Variants in KLRG2 observed in about 807,000 individuals in gnomAD.
KLRG2 encodes the protein killer cell lectin like receptor G2.
KLRG2 carries 39 observed loss-of-function variants against 35.4 expected under a neutral mutation model. The ratio of observed to expected loss-of-function variants is 1.10; its 90% CI spans 0.85 to 1.44. KLRG2 has a LOEUF of 1.44. Among genes scored for constraint, KLRG2 ranks in the 40% most tolerant of loss-of-function variants. The pLI, the probability that KLRG2 is intolerant of heterozygous loss-of-function variation, is 0.00. For synonymous variants in KLRG2, 283 were observed against 265.8 expected (o/e 1.06, Z -0.63); for missense variants, 632 against 570.9 (o/e 1.11, Z -1.09).
chr7:139,470,349 C>A (rs1011460922), intron 3 of KLRG2, among the ~76,000 whole-genome samples: 5 of 152,160 alleles, frequency 3.3e-5, no homozygotes, highest in Non-Finnish European at 5.9e-5. Context: ...TGAGCCACTG[C>A]GCCCGGCTAT....
intron 1 of KLRG2, 84 bp downstream of exon 1, chr7:139,482,802 G>C (rs1247446403): frequency 5.7e-6 from 7 of 1,218,252 alleles, no homozygotes; most frequent in East Asian, 3.2e-5. Flanking sequence ...GCTGCCCAGC[G>C]GTCCAGGGCT....
At chr7:139,431,514 G>A in the KLRG2 span, among the ~76,000 whole-genome samples, 1 of 151,968 alleles carries the variant, frequency 6.6e-6, no homozygotes, top group South Asian at 2.1e-4. Context: ...GAATTACCAG[G>A]AAAATTGGGA....
At chr7:139,440,570 T>G in the KLRG2 span, among the ~76,000 whole-genome samples, 1 of 152,098 alleles carries the variant, frequency 6.6e-6, no homozygotes, top group African/African-American at 2.4e-5. Context: ...TTTGTGTGTT[T>G]TATAACAACA....
At chr7:139,450,234 T>A (rs1796355608), downstream of KLRG2, among the ~76,000 whole-genome samples, 1 of 120,304 alleles carries the variant, frequency 8.3e-6, no homozygotes, top group South Asian at 2.5e-4. Flanking sequence ...TTTGTTTTGT[T>A]TTGTTTTGAG....
At position 139,480,135 on chromosome 7, in the gene KLRG2, G is replaced by A; in HGVS notation, c.859+11C>T. The A allele has an allele frequency of 6.3e-7, 1 of 1,589,694 alleles. No homozygotes were observed. Among genetic ancestry groups the A allele is most frequent in the Non-Finnish European group, 8.6e-7 (1 of 1,157,806 alleles). On this transcript the variant is annotated intron_variant, in intron 2 of 4. Coordinates refer to ENST00000340940, the MANE Select transcript of KLRG2 (RefSeq NM_198508.4). ...CAGGGAGAGGGGATGGGGACTGCAGGGACACCATACCTGCTCTTGAGGCCA... is the reference window on the plus strand; with the variant it reads ...CAGGGAGAGGGGATGGGGACTGCAGAGACACCATACCTGCTCTTGAGGCCA...
intron 3 of KLRG2, among the ~76,000 whole-genome samples, chr7:139,465,489 G>A (rs563658221): frequency 1.1e-4 from 17 of 152,050 alleles, no homozygotes; most frequent in Middle Eastern, 3.2e-3. Context: ...TCAGGAGATC[G>A]AGACCATCCT....
At chr7:139,464,662 T>G (rs1796619736) in intron 3 of KLRG2, among the ~76,000 whole-genome samples, 1 of 152,248 alleles carries the variant, frequency 6.6e-6, no homozygotes, top group Non-Finnish European at 1.5e-5. Flanking sequence ...ACAGCCAAAG[T>G]GCAGGACTCT....
Position 139,483,431 on chromosome 7 carries a change from G to A in KLRG2, c.212C>T (p.Pro71Leu). ...GLEPSSKKKP[P>L]SPRPGSPRVP... is the part of the protein sequence containing the mutation. ...GCGCGGGGACCCGGGGCGAGGCGAAGGCGGCTTTTTCTTGCTCGAGGGCTC... is the reference window on the plus strand; with the variant it reads ...GCGCGGGGACCCGGGGCGAGGCGAAAGCGGCTTTTTCTTGCTCGAGGGCTC... The change falls in exon 1 of 5, where the codon CCT (proline) becomes CTT (leucine). Residue 71 changes from proline to leucine, a missense_variant. Coordinates refer to ENST00000340940, the MANE Select transcript of KLRG2 (RefSeq NM_198508.4). The A allele has an allele frequency of 1.3e-6, 2 of 1,568,200 alleles. No individual in the cohort carries two copies. The highest frequency in any genetic ancestry group is 1.9e-4 in the Middle Eastern group (1 of 5,294).
chr7:139,446,505 A>T, the KLRG2 span, among the ~76,000 whole-genome samples: 1 of 151,818 alleles, frequency 6.6e-6, no homozygotes, highest in Non-Finnish European at 1.5e-5. Context: ...GACTGCCACC[A>T]TCCCCAGCTA....
At chr7:139,433,313 T>G in the KLRG2 span, among the ~76,000 whole-genome samples, 1 of 70,464 alleles carries the variant, frequency 1.4e-5, no homozygotes, top group Non-Finnish European at 2.5e-5. Flanking sequence ...GGTGTGTGGT[T>G]TTTTTTTTGT....
chr7:139,470,354 G>A (rs1243355799), intron 3 of KLRG2, among the ~76,000 whole-genome samples: 3 of 152,112 alleles, frequency 2.0e-5, no homozygotes, highest in Non-Finnish European at 2.9e-5. Context: ...CACTGCGCCC[G>A]GCTATGGATA....
intron 4 of KLRG2, 144 bp downstream of exon 4, chr7:139,453,967 T>C (rs1419001836): frequency 1.5e-6 from 1 of 685,348 alleles, no homozygotes; most frequent in Non-Finnish European, 2.6e-6. Flanking sequence ...CGACAGGGTC[T>C]AATCAGGCAC....
At chr7:139,454,358 C>G in intron 3 of KLRG2, 144 bp from the exon 4 acceptor site, 1 of 630,206 alleles carries the variant, frequency 1.6e-6, no homozygotes, top group South Asian at 1.8e-5. Flanking sequence ...AACAAAAAAA[C>G]CTTGAAAGCT....
intron 3 of KLRG2, among the ~76,000 whole-genome samples, chr7:139,468,958 G>A (rs1796712677): frequency 6.6e-6 from 1 of 152,166 alleles, no homozygotes; most frequent in Admixed American, 6.5e-5. Flanking sequence ...AGAGATGGGA[G>A]GGCACAGGAT....
In KLRG2 at chr7:139,483,612, C is replaced by T. The variant is rs1797014111; in HGVS notation, c.31G>A (p.Gly11Ser). The T allele has an allele frequency of 6.3e-7, 1 of 1,579,200 alleles. No homozygotes were observed. Among genetic ancestry groups the T allele is most frequent in the Non-Finnish European group, 8.5e-7 (1 of 1,171,362 alleles). The change falls in exon 1 of 5, where the codon GGC becomes AGC. Residue 11 changes from glycine to serine, a missense_variant. Coordinates refer to ENST00000340940, the MANE Select transcript of KLRG2 (RefSeq NM_198508.4). ...ATTGGGAGCTCTGCCCCGGCTTGGC[C>T]TCCGGGCGCAGCCTCCCAAGACTCC... MEESWEAAPGGQAGAELPMEP... is the reference protein window; with the variant it reads MEESWEAAPGSQAGAELPMEP...
At chr7:139,459,419 TG>T in intron 3 of KLRG2, among the ~76,000 whole-genome samples, 1 of 152,386 alleles carries the variant, frequency 6.6e-6, no homozygotes, top group African/African-American at 2.4e-5. Flanking sequence ...GCTTGGCTCC[TG>T]GCCCTAACTC....
the KLRG2 span, among the ~76,000 whole-genome samples, chr7:139,436,203 G>A: frequency 2.6e-5 from 4 of 152,036 alleles, no homozygotes; most frequent in African/African-American, 4.8e-5. Flanking sequence ...GTGCCTGGCC[G>A]GGTCTGTACT....
At position 139,479,648 on chromosome 7, in the gene KLRG2, G is replaced by A. The variant is rs1236303333; in HGVS notation, c.984C>T (p.Leu328=). 1 of 1,613,340 alleles carries A rather than the reference G, an allele frequency of 6.2e-7. No homozygotes were observed. The highest frequency in any genetic ancestry group is 1.1e-5 in the South Asian group (1 of 91,088). The change falls in exon 3 of 5, where the codon CTC becomes CTT. Residue 328 remains leucine, a synonymous_variant. Transcript: ENST00000340940. ...QAFCSAYHAT[L]PLLSHTQDFL... is the part of the protein sequence containing the mutation. ...TCACCTGGGTGTGGCTTAGCAGGGGGAGGGTAGCGTGGTAGGCTGAGCAGA... is the reference window on the plus strand; with the variant it reads ...TCACCTGGGTGTGGCTTAGCAGGGGAAGGGTAGCGTGGTAGGCTGAGCAGA...
At chr7:139,429,382 TTTTC>T in the KLRG2 span, among the ~76,000 whole-genome samples, 12 of 145,576 alleles carry the variant, frequency 8.2e-5, no homozygotes, top group African/African-American at 1.8e-4. Context: ...TTCTTTTTCT[TTTTC>T]TTTTTTTTTT....
Sources: gnomAD v4.1 joint callset for allele counts (sites outside exome capture counted in the v4.1 genomes callset) on GRCh38, gnomAD v4.1.1 for gene constraint, MANE v1.5 for transcripts, NCBI Gene and HGNC (gene_info 2026-07-23, HGNC 2026-07-21) for gene names.